The following TRAM1 variants were observed in gnomAD, a reference collection of about 807,000 sequenced individuals.
TRAM1 encodes the protein translocation associated membrane protein 1.
TRAM1 carries 17 observed loss-of-function variants against 48.7 expected under a neutral mutation model. The observed-to-expected ratio is 0.35, with a 90% CI of 0.24 to 0.52. The LOEUF (loss-of-function observed/expected upper bound fraction) is 0.52, where lower values mean the gene tolerates loss of function less well. Among genes scored for constraint, TRAM1 ranks in the 20% least tolerant of loss-of-function variants. The probability of loss-of-function intolerance (pLI) is 0.94; values close to 1 mark genes in which losing one functional copy is unlikely to be tolerated. For synonymous variants in TRAM1, 182 were observed against 154.0 expected, an observed-to-expected ratio of 1.18 and a Z score of -1.34; for missense variants, 351 against 441.5, an observed-to-expected ratio of 0.79 and a Z score of 1.84.
chr8:70,607,843 C>G (rs1229363193), intron 1 of TRAM1: 2 of 380,274 alleles, frequency 5.3e-6, no homozygotes, highest in African/African-American at 2.1e-5. Context: ...GTCCCCACCC[C>G]CTGCGGGCCG....
In TRAM1 at chr8:70,597,933, G is replaced by C. The variant is rs766803211; in HGVS notation, c.388C>G (p.Leu130Val). The change falls in exon 4 of 11, where the codon CTT becomes GTT. Residue 130 changes from leucine to valine, a missense_variant. Leu to Val is a conservative substitution (Grantham distance 32). Coordinates refer to ENST00000262213, the MANE Select transcript of TRAM1 (RefSeq NM_014294.6). Reference sequence around the variant, plus strand: ...AATGTGCCCCAAACACAGGCAAAAAGGTAGAACGCACTAAGCTGACCAGAT... The same window carrying C: ...AATGTGCCCCAAACACAGGCAAAAACGTAGAACGCACTAAGCTGACCAGAT... ...NESGQLSAFY[L>V]FACVWGTFIL... The C allele has an allele frequency of 1.2e-6, 2 of 1,601,732 alleles. No homozygotes were observed. The highest frequency in any genetic ancestry group is 2.7e-5 in the African/African-American group (2 of 74,672).
At chr8:70,579,492 T>C (rs1174007666) in intron 10 of TRAM1, among the ~76,000 whole-genome samples, 1 of 152,248 alleles carries the variant, frequency 6.6e-6, no homozygotes, top group African/African-American at 2.4e-5. Context: ...ATTGGGGGTT[T>C]TGGAATGTAT....
rs1817794407 is a variant in TRAM1, at chr8:70,608,203, G to A, written c.-4C>T. The stretch of plus-strand genomic sequence containing the variant: ...TGCTTTTCTTGCGAATCGCCATGGT[G>A]GGGCCGCCGCCCGCGCCTGCAGGTG... On this transcript the variant is annotated 5_prime_UTR_variant, in exon 1 of 11. Coordinates refer to ENST00000262213, the MANE Select transcript of TRAM1 (RefSeq NM_014294.6). 2 of 1,586,918 alleles carry A rather than the reference G, an allele frequency of 1.3e-6. No homozygotes were observed. The highest frequency in any genetic ancestry group is 1.7e-6 in the Non-Finnish European group (2 of 1,169,016).
intron 8 of TRAM1, among the ~76,000 whole-genome samples, chr8:70,584,935 A>C (rs1251701866): frequency 1.3e-5 from 2 of 152,194 alleles, no homozygotes; most frequent in East Asian, 3.8e-4. Context: ...ACTACTTTAA[A>C]GTTCATATGG....
intron 10 of TRAM1, among the ~76,000 whole-genome samples, chr8:70,581,368 G>A (rs1285014959): frequency 1.3e-5 from 2 of 152,154 alleles, no homozygotes; most frequent in African/African-American, 2.4e-5. Flanking sequence ...CATAAGAATC[G>A]ACATACGAAT....
intron 3 of TRAM1, 27 bp from the exon 4 acceptor site, chr8:70,598,038 TTAAGAA>T (rs1397522539): frequency 1.3e-6 from 2 of 1,530,722 alleles, no homozygotes; most frequent in Non-Finnish European, 1.8e-6. Context: ...CCATTAGTAA[TTAAGAA>T]TAAATTATAA....
chr8:70,592,076 T>C (rs948338357), intron 6 of TRAM1, among the ~76,000 whole-genome samples: 1 of 152,204 alleles, frequency 6.6e-6, no homozygotes, highest in African/African-American at 2.4e-5. Context: ...ATTATATGTA[T>C]GTATAATTAA....
At chr8:70,587,077 T>A in intron 7 of TRAM1, 29 bp downstream of exon 7, 1 of 1,613,330 alleles carries the variant, frequency 6.2e-7, no homozygotes, top group Non-Finnish European at 8.5e-7. Context: ...CCCAGCCTAC[T>A]TACACACCCA....
At chr8:70,585,598 A>G (rs1168912627) in intron 8 of TRAM1, among the ~76,000 whole-genome samples, 1 of 127,436 alleles carries the variant, frequency 7.8e-6, no homozygotes, top group Non-Finnish European at 1.7e-5. Context: ...AACCCCATCA[A>G]CAAGTGGGCA....
At chr8:70,588,826 T>C (rs2132033352) in intron 6 of TRAM1, among the ~76,000 whole-genome samples, 1 of 152,344 alleles carries the variant, frequency 6.6e-6, no homozygotes, top group Non-Finnish European at 1.5e-5. Flanking sequence ...GTAGCAGTTT[T>C]CTTCGTATGT....
In TRAM1 at chr8:70,573,383, G is replaced by A. The variant is rs1205649116; in HGVS notation, c.*1549C>T. 6.6e-6 allele frequency: 1 copy of A among 152,624 alleles called. No individual in the cohort carries two copies. Among genetic ancestry groups the A allele is most frequent in the Non-Finnish European group, 1.5e-5 (1 of 68,040 alleles). 9.5% of individuals were successfully genotyped at this position (152,624 alleles called of 1,614,324 possible). On this transcript the variant is annotated 3_prime_UTR_variant, in exon 11 of 11. Transcript: ENST00000262213. ...TGTTTTAAATATGGTACATTTTAAT[G>A]AGGTTATATACCAAAATAGCCTAAA...
chr8:70,599,910 T>C, intron 2 of TRAM1, 109 bp downstream of exon 2: 2 of 790,914 alleles, frequency 2.5e-6, no homozygotes, highest in South Asian at 1.5e-5. Flanking sequence ...ACATCATGGA[T>C]GAGATCTCTG....
At chr8:70,589,944 G>T (rs1817314797) in intron 6 of TRAM1, among the ~76,000 whole-genome samples, 2 of 152,088 alleles carry the variant, frequency 1.3e-5, no homozygotes, top group Admixed American at 1.3e-4. Context: ...ATGTGAATAT[G>T]GTAAAGCAGG....
chr8:70,597,655 CGA>C (rs1278852512), intron 4 of TRAM1, among the ~76,000 whole-genome samples: 2 of 103,082 alleles, frequency 1.9e-5, no homozygotes, highest in African/African-American at 4.0e-5. Flanking sequence ...GGAGACAGAG[CGA>C]GACTCTGTCT....
chr8:70,574,252 A>G lies in TRAM1; in HGVS notation c.*680T>C, dbSNP rs1334469844. 4.8e-6 allele frequency: 2 copies of G among 414,806 alleles called. No homozygotes were observed. The highest frequency in any genetic ancestry group is 1.8e-5 in the South Asian group (1 of 55,924). The allele number at this position is 414,806 out of a possible 1,614,324, so 25.7% of individuals were successfully genotyped here. A position where few individuals can be genotyped will look rare whatever the true frequency, so the allele number is the denominator to read the frequency against. ...AGTTTACAAGTATTGAAAATGCACA[A>G]GAAAGATTTTACTTCACAAGTACTT... On this transcript the variant is annotated 3_prime_UTR_variant, in exon 11 of 11. Coordinates refer to ENST00000262213, the MANE Select transcript of TRAM1 (RefSeq NM_014294.6).
chr8:70,602,367 A>C (rs888293646), intron 1 of TRAM1, among the ~76,000 whole-genome samples: 1 of 152,188 alleles, frequency 6.6e-6, no homozygotes, highest in African/African-American at 2.4e-5. Flanking sequence ...TGGGGGCAAC[A>C]GTGAAGGCAA....
At chr8:70,581,425 G>A (rs1159223057) in intron 10 of TRAM1, among the ~76,000 whole-genome samples, 1 of 152,192 alleles carries the variant, frequency 6.6e-6, no homozygotes, top group Middle Eastern at 3.2e-3. Flanking sequence ...TCTTAAAAAT[G>A]ATTTTTGAAA....
chr8:70,587,424 A>C (rs368502912), intron 6 of TRAM1: 16 of 420,528 alleles, frequency 3.8e-5, no homozygotes, highest in East Asian at 3.5e-4. Context: ...CTCCCACCCC[A>C]CCGCAATCTC....
intron 1 of TRAM1, among the ~76,000 whole-genome samples, chr8:70,600,449 G>A (rs541723662): frequency 6.6e-6 from 1 of 152,178 alleles, no homozygotes; most frequent in African/African-American, 2.4e-5. Context: ...AAAATAAAGA[G>A]AAGCACAGTT....
Sources: gnomAD v4.1 joint callset for allele counts (sites outside exome capture counted in the v4.1 genomes callset) on GRCh38, gnomAD v4.1.1 for gene constraint, MANE v1.5 for transcripts, NCBI Gene and HGNC (gene_info 2026-07-23, HGNC 2026-07-21) for gene names.